MARCHF1: variants seen among roughly 807,000 people sequenced by gnomAD.
The protein encoded by MARCHF1 is membrane associated ring-CH-type finger 1.
A neutral mutation model predicts 54.2 loss-of-function variants in MARCHF1; 40 were observed. That is an observed-to-expected ratio of 0.74 (90% CI 0.57 to 0.96). MARCHF1 has a LOEUF of 0.96. Ranked by LOEUF, MARCHF1 falls within the 40% of genes least tolerant of loss-of-function variation. The pLI is 0.00. For synonymous variants in MARCHF1, 236 were observed against 236.3 expected, an observed-to-expected ratio of 1.00 and a Z score of 0.01; for missense variants, 586 against 656.5, an observed-to-expected ratio of 0.89 and a Z score of 1.17.
intron 1 of MARCHF1, among the ~76,000 whole-genome samples, chr4:164,238,559 T>G (rs1732634319): frequency 6.6e-6 from 1 of 151,998 alleles, no homozygotes; most frequent in South Asian, 2.1e-4. Flanking sequence ...GATTTTAAGT[T>G]AAATATTATC....
intron 4 of MARCHF1, among the ~76,000 whole-genome samples, chr4:163,738,213 G>A (rs1379918828): frequency 6.6e-6 from 1 of 152,148 alleles, no homozygotes; most frequent in African/African-American, 2.4e-5. Context: ...GAAAAATGTA[G>A]AGGACACATT....
At chr4:164,009,074 A>C (rs527891247) in intron 2 of MARCHF1, among the ~76,000 whole-genome samples, 3 of 152,218 alleles carry the variant, frequency 2.0e-5, no homozygotes, top group Middle Eastern at 3.4e-3. Context: ...CTAGACTAAG[A>C]ATAAAGGATA....
At chr4:163,662,745 G>A (rs77018951) in intron 5 of MARCHF1, among the ~76,000 whole-genome samples, 1 of 151,946 alleles carries the variant, frequency 6.6e-6, no homozygotes, top group African/African-American at 2.4e-5. Flanking sequence ...GATTGTTTTT[G>A]GGAAAATTTT....
chr4:164,197,256 A>G (rs1405999619), intron 1 of MARCHF1: 1 of 1,610,982 alleles, frequency 6.2e-7, no homozygotes, highest in Non-Finnish European at 8.5e-7. Flanking sequence ...TATCTGAGTA[A>G]GGGGCCTCCT....
chr4:164,381,750 C>G (rs1731376937), intron 1 of MARCHF1, among the ~76,000 whole-genome samples: 1 of 152,144 alleles, frequency 6.6e-6, no homozygotes, highest in Admixed American at 6.5e-5. Context: ...AGAGTTTTTG[C>G]TATTACAATA....
At chr4:164,085,066 T>A (rs1444204933) in intron 2 of MARCHF1, among the ~76,000 whole-genome samples, 1 of 151,784 alleles carries the variant, frequency 6.6e-6, no homozygotes, top group African/African-American at 2.4e-5. Context: ...GTCCATTTAA[T>A]AAGTTTTCTC....
chr4:164,299,312 G>GA (rs1275965630), intron 1 of MARCHF1, among the ~76,000 whole-genome samples: 8 of 151,450 alleles, frequency 5.3e-5, no homozygotes, highest in Admixed American at 2.6e-4. Flanking sequence ...TAATGGAGGA[G>GA]AAAAAAAACC....
At chr4:163,841,899 C>A (rs923273496) in intron 4 of MARCHF1, among the ~76,000 whole-genome samples, 1 of 152,054 alleles carries the variant, frequency 6.6e-6, no homozygotes, top group African/African-American at 2.4e-5. Context: ...CTCATATCAG[C>A]ATTTGAGTTG....
At chr4:163,638,476 C>T (rs747455503) in intron 5 of MARCHF1, among the ~76,000 whole-genome samples, 1 of 152,082 alleles carries the variant, frequency 6.6e-6, no homozygotes, top group Non-Finnish European at 1.5e-5. Flanking sequence ...TTGCCTAATG[C>T]TATGATTGAA....
At chr4:163,899,692 C>T (rs1750895083) in intron 3 of MARCHF1, among the ~76,000 whole-genome samples, 1 of 151,768 alleles carries the variant, frequency 6.6e-6, no homozygotes, top group African/African-American at 2.4e-5. Flanking sequence ...TGTATCTTGA[C>T]ATCTCCATTG....
At chr4:164,208,927 A>C (rs942533260) in intron 1 of MARCHF1, among the ~76,000 whole-genome samples, 3 of 151,958 alleles carry the variant, frequency 2.0e-5, no homozygotes, top group African/African-American at 7.2e-5. Flanking sequence ...TTTAGGCAAC[A>C]GAGTAATACC....
chr4:164,359,752 G>A (rs1730668987), intron 1 of MARCHF1, among the ~76,000 whole-genome samples: 1 of 152,090 alleles, frequency 6.6e-6, no homozygotes, highest in South Asian at 2.1e-4. Context: ...TGACAGTGCT[G>A]TAACATATGT....
At chr4:163,944,091 C>T (rs1246211611) in intron 3 of MARCHF1, among the ~76,000 whole-genome samples, 14 of 151,786 alleles carry the variant, frequency 9.2e-5, no homozygotes, top group Admixed American at 5.2e-4. Flanking sequence ...CTCAGCCTCC[C>T]GAGTGGCTGG....
chr4:163,606,113 T>C (rs1741133896), intron 7 of MARCHF1, among the ~76,000 whole-genome samples: 1 of 152,100 alleles, frequency 6.6e-6, no homozygotes, highest in Admixed American at 6.6e-5. Context: ...TGGTACAAAG[T>C]ATATCCTCAA....
chr4:163,858,995 G>A (rs1749846632), intron 3 of MARCHF1, among the ~76,000 whole-genome samples: 1 of 152,156 alleles, frequency 6.6e-6, no homozygotes, highest in Non-Finnish European at 1.5e-5. Flanking sequence ...CAAATGGAGA[G>A]AGATGTTCAT....
chr4:164,141,315 G>C (rs755393789), intron 1 of MARCHF1, among the ~76,000 whole-genome samples: 1 of 152,156 alleles, frequency 6.6e-6, no homozygotes, highest in Non-Finnish European at 1.5e-5. Flanking sequence ...TTTTTAATGT[G>C]ATCAACCAAT....
intron 2 of MARCHF1, among the ~76,000 whole-genome samples, chr4:164,110,482 T>C (rs115880978): frequency 1.1e-3 from 162 of 151,926 alleles, no homozygotes; most frequent in African/African-American, 3.8e-3. Context: ...CTAAAATCTA[T>C]TCTAACTCTT....
chr4:163,898,060 C>CTAA (rs1750853117), intron 3 of MARCHF1, among the ~76,000 whole-genome samples: 1 of 81,880 alleles, frequency 1.2e-5, no homozygotes, highest in African/African-American at 5.2e-5. Flanking sequence ...GACTCCGTCT[C>CTAA]AAAAAAAAAA....
At chr4:163,883,827 C>A (rs1298432434) in intron 3 of MARCHF1, among the ~76,000 whole-genome samples, 5 of 152,156 alleles carry the variant, frequency 3.3e-5, no homozygotes. Flanking sequence ...GACAATATAA[C>A]ACCTCTTTGA....
Sources: gnomAD v4.1 joint callset for allele counts (sites outside exome capture counted in the v4.1 genomes callset) on GRCh38, gnomAD v4.1.1 for gene constraint, MANE v1.5 for transcripts, NCBI Gene and HGNC (gene_info 2026-07-23, HGNC 2026-07-21) for gene names.